CERS6: variants seen among roughly 807,000 people sequenced by gnomAD.
The protein encoded by CERS6 is LAG1 homolog, ceramide synthase 6.
In CERS6, 26 loss-of-function variants were observed where a neutral mutation model predicts 56.8. That is an observed-to-expected ratio of 0.46 (90% CI 0.34 to 0.63). The LOEUF (loss-of-function observed/expected upper bound fraction) is 0.63, where lower values mean the gene tolerates loss of function less well. CERS6 is among the 30% of genes least tolerant of loss of function. The pLI is 0.01. For missense variants in CERS6, 415 were observed against 467.5 expected (o/e 0.89, Z 1.04); for synonymous variants, 164 against 173.3 (o/e 0.95, Z 0.42).
At position 168,480,671 on chromosome 2, in the gene CERS6, A is replaced by C. The variant is rs1400906429; in HGVS notation, c.170+24053A>C. Among the ~76,000 whole-genome samples, 3 of 152,196 alleles carry C rather than the reference A, an allele frequency of 2.0e-5. No individual in the cohort carries two copies. In the East Asian group the frequency reaches 5.8e-4, roughly 29 times the overall value. On this transcript the variant is annotated intron_variant, in intron 1 of 9. Coordinates refer to ENST00000305747, the MANE Select transcript of CERS6 (RefSeq NM_203463.3). ...GAACTGGCATCTGGGACCTCAGCCT[A>C]GTGTAGGAAAAAGAACATATGAGCT...
intron 8 of CERS6, among the ~76,000 whole-genome samples, chr2:168,736,327 G>A (rs953210612): frequency 2.0e-5 from 3 of 152,084 alleles, no homozygotes; most frequent in Non-Finnish European, 4.4e-5. Context: ...TCAGACCCAA[G>A]TGGGCTTTTT....
chr2:168,587,320 G>A (rs957069114), intron 3 of CERS6, among the ~76,000 whole-genome samples: 11 of 152,166 alleles, frequency 7.2e-5, no homozygotes, highest in Admixed American at 3.3e-4. Flanking sequence ...TCATGAAATT[G>A]TGTTACAAAT....
chr2:168,696,025 C>A (rs1425321811), intron 6 of CERS6, among the ~76,000 whole-genome samples: 3 of 152,250 alleles, frequency 2.0e-5, no homozygotes, highest in East Asian at 3.9e-4. Flanking sequence ...GGATGCAAAT[C>A]TGTAAGCATA....
At chr2:168,736,099 T>G (rs188781544) in intron 8 of CERS6, among the ~76,000 whole-genome samples, 4 of 152,248 alleles carry the variant, frequency 2.6e-5, no homozygotes, top group Admixed American at 1.3e-4. Context: ...GATTTGGTAT[T>G]AATTTACTCT....
chr2:168,700,764 A>G (rs888450715), intron 6 of CERS6, among the ~76,000 whole-genome samples: 1 of 152,166 alleles, frequency 6.6e-6, no homozygotes, highest in Non-Finnish European at 1.5e-5. Context: ...AGTTCACATA[A>G]CCTACCTTAT....
At chr2:168,622,072 A>G (rs1402993106) in intron 3 of CERS6, among the ~76,000 whole-genome samples, 1 of 152,208 alleles carries the variant, frequency 6.6e-6, no homozygotes, top group Non-Finnish European at 1.5e-5. Flanking sequence ...ACAGAGACTA[A>G]TACAATAAAA....
At chr2:168,715,501 T>A (rs985990371) in intron 7 of CERS6, among the ~76,000 whole-genome samples, 3 of 152,128 alleles carry the variant, frequency 2.0e-5, no homozygotes, top group Non-Finnish European at 2.9e-5. Flanking sequence ...AAACTATACA[T>A]CCCAGTAAAA....
At chr2:168,745,770 C>T (rs1049592417) in intron 8 of CERS6, among the ~76,000 whole-genome samples, 1 of 152,152 alleles carries the variant, frequency 6.6e-6, no homozygotes, top group African/African-American at 2.4e-5. Context: ...TGTCCATCTC[C>T]CCCAGAGTCC....
chr2:168,731,299 G>C (rs916643061), intron 8 of CERS6, among the ~76,000 whole-genome samples: 10 of 152,056 alleles, frequency 6.6e-5, no homozygotes, highest in African/African-American at 2.4e-4. Context: ...AGTCATAACT[G>C]ATGTTAATCT....
intron 1 of CERS6, among the ~76,000 whole-genome samples, chr2:168,509,434 C>T (rs989328793): frequency 1.5e-4 from 23 of 152,234 alleles, no homozygotes; most frequent in Middle Eastern, 3.4e-3. Flanking sequence ...CACATTTATT[C>T]CAGTTTTTAT....
chr2:168,592,045 G>A (rs1368407800), intron 3 of CERS6, among the ~76,000 whole-genome samples: 1 of 152,148 alleles, frequency 6.6e-6, no homozygotes, highest in African/African-American at 2.4e-5. Context: ...TCAAAGAATT[G>A]CATATAAGAC....
At chr2:168,598,871 C>A (rs1257200281) in intron 3 of CERS6, among the ~76,000 whole-genome samples, 1 of 152,168 alleles carries the variant, frequency 6.6e-6, no homozygotes, top group African/African-American at 2.4e-5. Context: ...AAGAATCTTA[C>A]TGGAACATGG....
Position 168,743,341 on chromosome 2 carries a change from A to G in CERS6, c.846-22251A>G, listed in dbSNP as rs142495831. On this transcript the variant is annotated intron_variant, in intron 8 of 9. Transcript: ENST00000305747. ...TGAATTACTAGTTGGAGCTTTATAT[A>G]TAAGAGTTGTTTGGCTGGGCGCAGT... Among the ~76,000 whole-genome samples the G allele has an allele frequency of 1.1e-4, 16 of 152,192 alleles. No homozygotes were observed. The East Asian group carries it at 2.5e-3, about 24-fold the overall frequency.
intron 1 of CERS6, 116 bp from the exon 2 acceptor site, chr2:168,547,480 T>C: frequency 1.6e-6 from 1 of 629,336 alleles, no homozygotes; most frequent in Non-Finnish European, 2.8e-6. Flanking sequence ...TGTACACCCA[T>C]GAAATCCTAC....
At chr2:168,535,669 G>T (rs1171203921) in intron 1 of CERS6, among the ~76,000 whole-genome samples, 15 of 115,578 alleles carry the variant, frequency 1.3e-4, no homozygotes, top group South Asian at 9.4e-4. Flanking sequence ...TTTGATACCA[G>T]TTTTTTTTTT....
At chr2:168,492,838 A>G (rs1302477458) in intron 1 of CERS6, among the ~76,000 whole-genome samples, 1 of 152,176 alleles carries the variant, frequency 6.6e-6, no homozygotes, top group African/African-American at 2.4e-5. Context: ...CTGTCACAGT[A>G]ACTTTATAGC....
intron 4 of CERS6, among the ~76,000 whole-genome samples, chr2:168,662,000 A>G (rs998290989): frequency 3.9e-5 from 6 of 152,234 alleles, no homozygotes; most frequent in African/African-American, 1.4e-4. Flanking sequence ...TCTTTTAAAT[A>G]AGAGTATTCT....
intron 4 of CERS6, among the ~76,000 whole-genome samples, chr2:168,680,129 T>C (rs9678712): frequency 0.035 from 5,379 of 152,038 alleles, 131 homozygotes; most frequent in East Asian, 0.14. Context: ...GCCTGGAAGA[T>C]TGGGCAAGAG....
At chr2:168,554,573 G>T (rs930906284) in intron 2 of CERS6, among the ~76,000 whole-genome samples, 1 of 152,130 alleles carries the variant, frequency 6.6e-6, no homozygotes, top group Non-Finnish European at 1.5e-5. Context: ...GCCTGGTACA[G>T]ATTTTTACCT....
Sources: gnomAD v4.1 joint callset for allele counts (sites outside exome capture counted in the v4.1 genomes callset) on GRCh38, gnomAD v4.1.1 for gene constraint, MANE v1.5 for transcripts, NCBI Gene and HGNC (gene_info 2026-07-23, HGNC 2026-07-21) for gene names.